The following BBS9 variants were observed in gnomAD, a reference collection of about 807,000 sequenced individuals.
BBS9 encodes the protein Bardet-Biedl syndrome 9.
In BBS9, 89 loss-of-function variants were observed where a neutral mutation model predicts 117.7. That is an observed-to-expected ratio of 0.76 (90% CI 0.64 to 0.90). BBS9 has a LOEUF of 0.90. Ranked by LOEUF, BBS9 falls within the 40% of genes least tolerant of loss-of-function variation. The pLI, the probability that BBS9 is intolerant of heterozygous loss-of-function variation, is 0.00. For missense variants in BBS9, 982 were observed against 1,042.2 expected, an observed-to-expected ratio of 0.94 and a Z score of 0.80; for synonymous variants, 379 against 370.9, an observed-to-expected ratio of 1.02 and a Z score of -0.25.
chr7:33,474,564 C>A (rs1317784129), intron 19 of BBS9, among the ~76,000 whole-genome samples: 1 of 152,188 alleles, frequency 6.6e-6, no homozygotes, highest in Non-Finnish European at 1.5e-5. Context: ...ATGGCTGCTG[C>A]AGTTCTAGTA....
chr7:33,579,634 A>G (rs1245987436), intron 21 of BBS9, among the ~76,000 whole-genome samples: 1 of 152,144 alleles, frequency 6.6e-6, no homozygotes, highest in Non-Finnish European at 1.5e-5. Context: ...GACCTGGACA[A>G]CAACCAGACT....
At chr7:33,258,172 C>G (rs929493358) in intron 6 of BBS9, among the ~76,000 whole-genome samples, 22 of 152,164 alleles carry the variant, frequency 1.4e-4, no homozygotes, top group African/African-American at 3.9e-4. Context: ...TGGAGGTTTT[C>G]AGTGCCTTTA....
chr7:33,399,632 G>A (rs1002308272), intron 19 of BBS9, among the ~76,000 whole-genome samples: 1 of 152,098 alleles, frequency 6.6e-6, no homozygotes, highest in African/African-American at 2.4e-5. Context: ...AAGGGACTTA[G>A]AATCTTAAAT....
chr7:33,371,872 A>C (rs1337128025), intron 17 of BBS9, among the ~76,000 whole-genome samples: 1 of 152,206 alleles, frequency 6.6e-6, no homozygotes, highest in African/African-American at 2.4e-5. Flanking sequence ...TGATTTGTTT[A>C]TCAGCATCTA....
In BBS9 at chr7:33,152,699, A is replaced by G. The variant is rs1562686929; in HGVS notation, c.113-2A>G. ...ATCTTTTTTTTTTTAAATTCTCTACAGATAAAATAATTGTGGGTAGCTTTA... is the reference window on the plus strand; with the variant it reads ...ATCTTTTTTTTTTTAAATTCTCTACGGATAAAATAATTGTGGGTAGCTTTA... On this transcript the variant is annotated splice_acceptor_variant, in intron 2 of 22. Coordinates refer to ENST00000242067, the MANE Select transcript of BBS9 (RefSeq NM_198428.3). LOFTEE classifies it high-confidence loss of function. The G allele has an allele frequency of 6.2e-7, 1 of 1,611,322 alleles. No individual in the cohort carries two copies. The highest frequency in any genetic ancestry group is 8.5e-7 in the Non-Finnish European group (1 of 1,178,448).
chr7:33,180,366 T>C (rs930423582), intron 5 of BBS9, among the ~76,000 whole-genome samples: 10 of 151,388 alleles, frequency 6.6e-5, no homozygotes, highest in Non-Finnish European at 1.3e-4. Flanking sequence ...TGAGAATTTT[T>C]TTTTTTTTTT....
intron 19 of BBS9, among the ~76,000 whole-genome samples, chr7:33,407,038 T>C (rs1012538811): frequency 6.6e-6 from 1 of 152,204 alleles, no homozygotes; most frequent in Non-Finnish European, 1.5e-5. Context: ...TTTTCCAAGT[T>C]GGTTCCATTC....
At chr7:33,520,259 G>T (rs562832393) in intron 20 of BBS9, among the ~76,000 whole-genome samples, 6 of 152,186 alleles carry the variant, frequency 3.9e-5, no homozygotes, top group African/African-American at 1.4e-4. Context: ...TGATCTACCT[G>T]CCTCGGCCTC....
intron 4 of BBS9, among the ~76,000 whole-genome samples, chr7:33,163,824 A>G (rs1277858087): frequency 6.6e-6 from 1 of 150,462 alleles, no homozygotes; most frequent in Non-Finnish European, 1.5e-5. Flanking sequence ...TTGTGTCTCT[A>G]TTTCCTTCAG....
intron 19 of BBS9, among the ~76,000 whole-genome samples, chr7:33,409,595 C>T (rs1830733070): frequency 6.6e-6 from 1 of 152,098 alleles, no homozygotes; most frequent in African/African-American, 2.4e-5. Context: ...TGTGTTGCCT[C>T]CAGGTTGCCC....
chr7:33,385,856 T>A (rs1825909059), intron 18 of BBS9, among the ~76,000 whole-genome samples: 1 of 152,154 alleles, frequency 6.6e-6, no homozygotes, highest in Non-Finnish European at 1.5e-5. Context: ...TAAAAATATT[T>A]TTATTACTTA....
At chr7:33,294,343 A>G (rs1300225314) in intron 9 of BBS9, among the ~76,000 whole-genome samples, 98 of 116,232 alleles carry the variant, frequency 8.4e-4, no homozygotes, top group African/African-American at 2.7e-3. Context: ...CTATCTATCT[A>G]TCTATCTATC....
Position 33,605,219 on chromosome 7 carries a change from C to T in BBS9, c.2657C>T (p.Ser886Leu), listed in dbSNP as rs779169794. Residue 886 changes from serine to leucine, a missense_variant, in exon 23 of 23, where the codon TCG becomes TTG. Coordinates refer to ENST00000242067, the MANE Select transcript of BBS9 (RefSeq NM_198428.3). ...GAAGTTTCACCCCTCCAAGGAGTCT[C>T]GGAATAATTCAAGTAGAGTTGTTTG... Reference protein sequence around the residue: ...RPEVSPLQGVSE With the variant: ...RPEVSPLQGVLE 43 of 1,612,730 alleles carry T rather than the reference C, an allele frequency of 2.7e-5. 1 individual carries two copies. Among genetic ancestry groups the T allele is most frequent in the South Asian group, 2.0e-4 (18 of 91,042 alleles).
chr7:33,444,766 G>A (rs1836742104), intron 19 of BBS9, among the ~76,000 whole-genome samples: 1 of 152,148 alleles, frequency 6.6e-6, no homozygotes. Flanking sequence ...TTTATTCTAG[G>A]AGCTCTAGCT....
intron 5 of BBS9, among the ~76,000 whole-genome samples, chr7:33,227,890 G>A (rs1791600989): frequency 6.6e-6 from 1 of 151,802 alleles, no homozygotes; most frequent in Non-Finnish European, 1.5e-5. Flanking sequence ...CTATATCTTT[G>A]CAATTGTGAA....
At chr7:33,288,853 A>G (rs1241445429) in intron 9 of BBS9, among the ~76,000 whole-genome samples, 2 of 152,178 alleles carry the variant, frequency 1.3e-5, no homozygotes, top group Middle Eastern at 3.2e-3. Flanking sequence ...AGTTACTACT[A>G]TTATTACTAT....
intron 9 of BBS9, among the ~76,000 whole-genome samples, chr7:33,323,841 T>A (rs1391854244): frequency 7.0e-6 from 1 of 143,552 alleles, no homozygotes; most frequent in African/African-American, 2.6e-5. Context: ...TCCTTTTTTT[T>A]TTTTTTTTTT....
In BBS9 at chr7:33,495,754, T is replaced by G. The variant is rs1844619738; in HGVS notation, c.2116-9709T>G. 2.0e-5 allele frequency among the ~76,000 whole-genome samples: 3 copies of G among 152,328 alleles called. No individual in the cohort carries two copies. The South Asian group carries it at 6.2e-4, about 32-fold the overall frequency. On this transcript the variant is annotated intron_variant, in intron 19 of 22. Transcript: ENST00000242067. ...TAGTAAGCAGGCTTGAGATCAGTTG[T>G]ATTTTTAACTTTATATTAGCCAAGC...
intron 21 of BBS9, among the ~76,000 whole-genome samples, chr7:33,553,489 G>A (rs550736332): frequency 6.6e-6 from 1 of 152,102 alleles, no homozygotes; most frequent in East Asian, 1.9e-4. Flanking sequence ...TCTAATCTTT[G>A]TTCACTTTTC....
Sources: allele counts gnomAD v4.1 joint callset (sites outside exome capture counted in the v4.1 genomes callset), GRCh38; gene constraint gnomAD v4.1.1; transcripts MANE v1.5; gene names NCBI Gene and HGNC (gene_info 2026-07-23, HGNC 2026-07-21).